The following SEC31A variants were observed in gnomAD, a reference collection of about 807,000 sequenced individuals.
The protein encoded by SEC31A is protein transport protein Sec31A.
A neutral mutation model predicts 151.0 loss-of-function variants in SEC31A; 70 were observed. The ratio of observed to expected loss-of-function variants is 0.46; its 90% CI spans 0.38 to 0.57. The LOEUF is 0.57. Among genes scored for constraint, SEC31A ranks in the 20% least tolerant of loss-of-function variants. The probability of loss-of-function intolerance (pLI) is 0.00; values close to 1 mark genes in which losing one functional copy is unlikely to be tolerated. For missense variants in SEC31A, 1,330 were observed against 1,471.2 expected, an observed-to-expected ratio of 0.90 and a Z score of 1.57; for synonymous variants, 475 against 505.9, an observed-to-expected ratio of 0.94 and a Z score of 0.82.
chr4:82,849,209 C>A (rs1730892989), intron 19 of SEC31A, among the ~76,000 whole-genome samples: 2 of 152,198 alleles, frequency 1.3e-5, no homozygotes, highest in African/African-American at 4.8e-5. Context: ...AGGCAGAGAT[C>A]TGAGTTATAC....
intron 22 of SEC31A, among the ~76,000 whole-genome samples, chr4:82,839,133 C>G (rs891958681): frequency 6.6e-6 from 1 of 151,796 alleles, no homozygotes; most frequent in Non-Finnish European, 1.5e-5. Flanking sequence ...CCCGCCACCA[C>G]GTCCAGCTAA....
In SEC31A at chr4:82,870,367, T is replaced by G; in HGVS notation, c.840A>C (p.Gly280=). The G allele has an allele frequency of 6.2e-7, 1 of 1,614,050 alleles. No individual in the cohort carries two copies. The highest frequency in any genetic ancestry group is 1.3e-5 in the African/African-American group (1 of 75,034). Residue 280 remains glycine (G), a synonymous_variant, in exon 8 of 27, where the codon GGA becomes GGC. Coordinates refer to ENST00000395310, the MANE Select transcript of SEC31A (RefSeq NM_001077207.4). ...TGGAGCAGAGAATCTTAGCATCTTT[T>G]CCACAGCTCAGTAACAATTCAGGAT... ...MADPELLLSC[G]KDAKILCSNP... is the part of the protein sequence containing the mutation.
intron 1 of SEC31A, among the ~76,000 whole-genome samples, chr4:82,885,190 A>G (rs904335042): frequency 1.3e-5 from 2 of 152,160 alleles, no homozygotes; most frequent in Non-Finnish European, 2.9e-5. Flanking sequence ...AAACCAACAG[A>G]TTTTACTGGT....
chr4:82,840,850 C>G (rs1013599930), intron 22 of SEC31A, among the ~76,000 whole-genome samples: 4 of 152,120 alleles, frequency 2.6e-5, no homozygotes, highest in African/African-American at 9.7e-5. Context: ...CTGTATAGGG[C>G]ACTCACCACA....
intron 21 of SEC31A, chr4:82,842,704 T>G (rs4645207): frequency 0.72 from 350,719 of 484,050 alleles, 132,126 homozygotes; most frequent in Admixed American, 0.8. Context: ...CCAAACTGCC[T>G]CTGGTTATGA....
chr4:82,859,339 A>T (rs1733532195), intron 14 of SEC31A, among the ~76,000 whole-genome samples: 2 of 152,236 alleles, frequency 1.3e-5, no homozygotes, highest in Non-Finnish European at 2.9e-5. Flanking sequence ...TGCTTTCTTT[A>T]GAAGAAATAT....
intron 8 of SEC31A, among the ~76,000 whole-genome samples, chr4:82,868,943 C>T (rs771874351): frequency 2.0e-5 from 3 of 152,090 alleles, no homozygotes; most frequent in Non-Finnish European, 4.4e-5. Flanking sequence ...TGAGCCACCA[C>T]AAGTGGCCCA....
chr4:82,887,809 A>G (rs1741081745), intron 1 of SEC31A, among the ~76,000 whole-genome samples: 1 of 152,236 alleles, frequency 6.6e-6, no homozygotes, highest in African/African-American at 2.4e-5. Context: ...CTGTAATCCC[A>G]GCACTTTGGG....
Position 82,842,177 on chromosome 4 carries a change from C to T in SEC31A, c.2931G>A (p.Leu977=). Residue 977 remains leucine (L), a synonymous_variant, in exon 22 of 27, where the codon CTG becomes CTA. Transcript: ENST00000395310. ...YALPPGTTGT[L]PAASELPASQ... ...ACGCAGGCAGCTCACTGGCAGCAGG[C>T]AGTGTACCTGTTGTTCCAGGAGGCA... The T allele has an allele frequency of 1.3e-6, 2 of 1,585,494 alleles. No homozygotes were observed. The highest frequency in any genetic ancestry group is 8.6e-7 in the Non-Finnish European group (1 of 1,163,926).
At chr4:82,876,001 T>C (rs1190249942) in intron 4 of SEC31A, among the ~76,000 whole-genome samples, 179 bp from the exon 5 acceptor site, 2 of 152,152 alleles carry the variant, frequency 1.3e-5, no homozygotes, top group African/African-American at 2.4e-5. Flanking sequence ...AAATTTAAAG[T>C]TTTCTAGAAA....
In SEC31A at chr4:82,828,925, GTA is replaced by G. The variant is rs1578127628; in HGVS notation, c.3027+73_3027+74del. Reference sequence around the variant, plus strand: ...CTTCGCCTTTAAAAGGATCAGTGAAGTATAGTGTGTTCCAAGTGGCTACGTGG... The same window carrying G: ...CTTCGCCTTTAAAAGGATCAGTGAAGTAGTGTGTTCCAAGTGGCTACGTGG... On this transcript the variant is annotated intron_variant, in intron 23 of 26. Transcript: ENST00000395310. 9 of 1,129,216 alleles carry G rather than the reference GTA, an allele frequency of 8.0e-6. No homozygotes were observed. In the East Asian group the frequency reaches 2.1e-4, roughly 27 times the overall value. The allele number at this position is 1,129,216 out of a possible 1,614,324, so 69.9% of individuals were successfully genotyped here. A position where few individuals can be genotyped will look rare whatever the true frequency, so the allele number is the denominator to read the frequency against.
chr4:82,842,068 C>T, intron 22 of SEC31A, 72 bp downstream of exon 22: 1 of 1,213,182 alleles, frequency 8.2e-7, no homozygotes, highest in Non-Finnish European at 1.1e-6. Flanking sequence ...AGAAATAATA[C>T]CCCTCCATCC....
At chr4:82,871,172 T>C (rs1386944181) in intron 7 of SEC31A, among the ~76,000 whole-genome samples, 1 of 152,208 alleles carries the variant, frequency 6.6e-6, no homozygotes, top group Non-Finnish European at 1.5e-5. Flanking sequence ...CAAGACCCCA[T>C]CTCAAAATAT....
intron 3 of SEC31A, chr4:82,899,654 T>A (rs949469511): frequency 6.6e-6 from 1 of 152,650 alleles, no homozygotes; most frequent in Non-Finnish European, 1.5e-5. Context: ...AAGCTATTAA[T>A]TCCATTCAGA....
chr4:82,881,853 C>T lies in SEC31A; in HGVS notation c.79+5G>A. 2 of 1,606,706 alleles carry T rather than the reference C, an allele frequency of 1.2e-6. No homozygotes were observed. Among genetic ancestry groups the T allele is most frequent in the Non-Finnish European group, 1.7e-6 (2 of 1,173,216 alleles). ...CTCATACTATCTTCTCTCCTTTGAA[C>T]TTACCTGTTGCTAGGTAAATGGGGT... On this transcript the variant is annotated splice_donor_5th_base_variant and intron_variant, in intron 2 of 26. Transcript: ENST00000395310.
Position 82,862,565 on chromosome 4 carries a change from A to G in SEC31A, c.1517T>C (p.Leu506Ser). ...GGCTCCATCCACTTTGTTCAAGGCC[A>G]AAGCAATCTGAAATAAAAATAACAG... ...RKEDLGKKIA[L>S]ALNKVDGANV... The change falls in exon 13 of 27, where the codon TTG (leucine) becomes TCG (serine). Residue 506 changes from leucine to serine, a missense_variant. Physicochemically the swap from Leu to Ser is moderately radical, Grantham distance 145 (BLOSUM62 -2). Transcript: ENST00000395310. 3.7e-6 allele frequency: 6 copies of G among 1,613,566 alleles called. No individual in the cohort carries two copies. Among genetic ancestry groups the G allele is most frequent in the Non-Finnish European group, 5.1e-6 (6 of 1,179,534 alleles).
rs1734845123 is a variant in SEC31A at position 82,864,401 on chromosome 4, A to T, written c.1395T>A (p.Ser465=). Reference sequence around the variant, plus strand: ...ACACATTTTTCTCAAATTCAGTCTGAGAAGCATCAATTTTTTTTTGGCAAT... The same window carrying T: ...ACACATTTTTCTCAAATTCAGTCTGTGAAGCATCAATTTTTTTTTGGCAAT... The part of the protein sequence containing the change: ...INYCQKKIDA[S]QTEFEKNVWS... Residue 465 remains serine (S), a synonymous_variant, in exon 11 of 27, where the codon TCT becomes TCA. Coordinates refer to ENST00000395310, the MANE Select transcript of SEC31A (RefSeq NM_001077207.4). The T allele has an allele frequency of 6.8e-6, 11 of 1,614,134 alleles. No individual in the cohort carries two copies. The highest frequency in any genetic ancestry group is 7.6e-6 in the Non-Finnish European group (9 of 1,179,954).
chr4:82,881,325 CATG>C (rs1395452474), intron 2 of SEC31A, among the ~76,000 whole-genome samples: 1 of 151,944 alleles, frequency 6.6e-6, no homozygotes, highest in African/African-American at 2.4e-5. Flanking sequence ...ATTAGCCAGG[CATG>C]GTGGTGGACG....
At chr4:82,892,737 G>C (rs1578431155), upstream of SEC31A, among the ~76,000 whole-genome samples, 1 of 149,542 alleles carries the variant, frequency 6.7e-6, no homozygotes, top group Non-Finnish European at 1.5e-5. Flanking sequence ...TCTTTTTTTT[G>C]GGGGGGGGGG....
Sources: gnomAD v4.1 joint callset for allele counts (sites outside exome capture counted in the v4.1 genomes callset) on GRCh38, gnomAD v4.1.1 for gene constraint, MANE v1.5 for transcripts, NCBI Gene and HGNC (gene_info 2026-07-23, HGNC 2026-07-21) for gene names.